PEBP4: variants seen among roughly 807,000 people sequenced by gnomAD.
PEBP4 encodes phosphatidylethanolamine binding protein 4.
PEBP4 carries 22 observed loss-of-function variants against 23.9 expected under a neutral mutation model. That is an observed-to-expected ratio of 0.92 (90% CI 0.66 to 1.31). The LOEUF is 1.31. PEBP4 is among the 40% of genes most tolerant of loss of function. The pLI is 0.00. For missense variants in PEBP4, 324 were observed against 281.7 expected (o/e 1.15, Z -1.07); for synonymous variants, 112 against 99.3 (o/e 1.13, Z -0.76).
intron 4 of PEBP4, among the ~76,000 whole-genome samples, chr8:22,737,817 C>A (rs746609754): frequency 2.5e-4 from 38 of 152,214 alleles, no homozygotes; most frequent in Non-Finnish European, 4.0e-4. Context: ...GGTTTCTTCA[C>A]AGAGCTGTTG....
rs1419614755 is a variant in PEBP4, at chr8:22,865,891, C to T, written c.259-48156G>A. On this transcript the variant is annotated intron_variant, in intron 3 of 6. Transcript: ENST00000256404. This position sits in a 1 kb window ranked among gnomAD's most constrained non-coding sequence, Gnocchi z 6.9. ...CCCCGGCTGTCCCAGCTCGGGCGCC[C>T]CAAACCCACAGCTCCCACTCAGGAC... Among the ~76,000 whole-genome samples the T allele has an allele frequency of 2.0e-5, 3 of 152,116 alleles. No individual in the cohort carries two copies. Among genetic ancestry groups the T allele is most frequent in the Non-Finnish European group, 4.4e-5 (3 of 68,002 alleles).
intron 4 of PEBP4, among the ~76,000 whole-genome samples, chr8:22,765,171 T>A (rs1585260847): frequency 6.6e-6 from 1 of 151,468 alleles, no homozygotes; most frequent in East Asian, 1.9e-4. Flanking sequence ...TGAGACAGCA[T>A]CTTGATGCGA....
At chr8:22,779,642 G>C (rs1805878817) in intron 4 of PEBP4, among the ~76,000 whole-genome samples, 1 of 152,184 alleles carries the variant, frequency 6.6e-6, no homozygotes. Flanking sequence ...TCTCCACTGG[G>C]AATGTTCATT....
At chr8:22,823,529 CTT>C (rs901127122) in intron 3 of PEBP4, among the ~76,000 whole-genome samples, 1 of 151,534 alleles carries the variant, frequency 6.6e-6, no homozygotes. Context: ...TGCAGGAAAA[CTT>C]TATATATCTA....
intron 4 of PEBP4, among the ~76,000 whole-genome samples, chr8:22,814,841 A>AT (rs1240286147): frequency 6.6e-6 from 1 of 152,222 alleles, no homozygotes; most frequent in African/African-American, 2.4e-5. Flanking sequence ...CCCTGGAAGC[A>AT]TCTACCCATA....
At chr8:22,854,170 A>C (rs1017080290) in intron 3 of PEBP4, among the ~76,000 whole-genome samples, 2 of 152,168 alleles carry the variant, frequency 1.3e-5, no homozygotes, top group African/African-American at 4.8e-5. Context: ...CTGAGTTACA[A>C]AGTGGCTTTG....
chr8:22,862,798 C>T (rs1807805479), intron 3 of PEBP4, among the ~76,000 whole-genome samples: 1 of 121,662 alleles, frequency 8.2e-6, no homozygotes, highest in African/African-American at 2.9e-5. Flanking sequence ...ACCCTCATAA[C>T]CTTTTTTTTT....
At chr8:22,876,278 T>A (rs1280737442) in intron 3 of PEBP4, among the ~76,000 whole-genome samples, 1 of 152,190 alleles carries the variant, frequency 6.6e-6, no homozygotes, top group East Asian at 1.9e-4. Context: ...GTACCATGCG[T>A]ACAACGGTGG....
chr8:22,916,518 G>A (rs1585342504), intron 3 of PEBP4, among the ~76,000 whole-genome samples: 2 of 152,116 alleles, frequency 1.3e-5, no homozygotes, highest in East Asian at 3.9e-4. Flanking sequence ...CACCCCTAGG[G>A]GGAGGAGAGA....
At chr8:22,805,143 A>C (rs921358519) in intron 4 of PEBP4, among the ~76,000 whole-genome samples, 1 of 152,182 alleles carries the variant, frequency 6.6e-6, no homozygotes, top group Non-Finnish European at 1.5e-5. Context: ...GATTGCATAC[A>C]GGTCAGCACG....
intron 2 of PEBP4, among the ~76,000 whole-genome samples, chr8:22,926,698 G>T (rs987671469): frequency 5.9e-5 from 9 of 152,134 alleles, no homozygotes; most frequent in Non-Finnish European, 1.3e-4. Context: ...GAGAAGACAT[G>T]TATTTATGGT....
chr8:22,902,462 G>A (rs1808731193), intron 3 of PEBP4, among the ~76,000 whole-genome samples: 1 of 143,648 alleles, frequency 7.0e-6, no homozygotes, highest in African/African-American at 2.9e-5. Flanking sequence ...GGCAGATAGG[G>A]TGCTCTGAAT....
chr8:22,753,815 G>C (rs1805318464), intron 4 of PEBP4, among the ~76,000 whole-genome samples: 1 of 152,216 alleles, frequency 6.6e-6, no homozygotes, highest in Non-Finnish European at 1.5e-5. Context: ...AGGTGTGAGG[G>C]GCTGGAGCTG....
chr8:22,748,799 C>T (rs982467610), intron 4 of PEBP4, among the ~76,000 whole-genome samples: 12 of 152,240 alleles, frequency 7.9e-5, no homozygotes, highest in African/African-American at 2.4e-4. Flanking sequence ...GGCCTTTTCT[C>T]GGCCACCACT....
At chr8:22,893,481 T>G (rs1808534263) in intron 3 of PEBP4, among the ~76,000 whole-genome samples, 1 of 152,062 alleles carries the variant, frequency 6.6e-6, no homozygotes, top group South Asian at 2.1e-4. Context: ...TGAAATAGAC[T>G]GGGAAATGAT....
chr8:22,858,169 C>A (rs1051209057), intron 3 of PEBP4, among the ~76,000 whole-genome samples: 1 of 152,178 alleles, frequency 6.6e-6, no homozygotes, highest in Admixed American at 6.5e-5. Context: ...CCCAGCTAGT[C>A]AAAGAGGGAT....
Position 22,792,084 on chromosome 8 carries a change from C to G in PEBP4, c.357+25553G>C, listed in dbSNP as rs1249354216. On this transcript the variant is annotated intron_variant, in intron 4 of 6. Transcript: ENST00000256404. ...ATGTTGCCCAGGCTGGTCTGGAATT[C>G]CTGAGCTCAAGGGATCCACCTGCCC... Among the ~76,000 whole-genome samples the G allele has an allele frequency of 3.3e-5, 5 of 150,746 alleles. No individual in the cohort carries two copies. The East Asian group carries it at 9.8e-4, about 29-fold the overall frequency.
chr8:22,739,052 G>A (rs924502104), intron 4 of PEBP4, among the ~76,000 whole-genome samples: 1 of 152,140 alleles, frequency 6.6e-6, no homozygotes, highest in Non-Finnish European at 1.5e-5. Context: ...CCTGGCAGGG[G>A]GCCAGGACAA....
intron 3 of PEBP4, among the ~76,000 whole-genome samples, chr8:22,832,956 A>T (rs1259808320): frequency 1.3e-5 from 2 of 152,178 alleles, no homozygotes; most frequent in Non-Finnish European, 2.9e-5. Flanking sequence ...ACACTGGACA[A>T]CAAGGGGCAG....
Sources: gnomAD v4.1 joint callset for allele counts (sites outside exome capture counted in the v4.1 genomes callset) on GRCh38, gnomAD v4.1.1 for gene constraint, Gnocchi (gnomAD v3.1) non-coding constraint, MANE v1.5 for transcripts, NCBI Gene and HGNC (gene_info 2026-07-23, HGNC 2026-07-21) for gene names.